Variants in ADPGK observed in about 807,000 individuals in gnomAD.
ADPGK encodes the protein ADP-dependent glucokinase.
A neutral mutation model predicts 42.4 loss-of-function variants in ADPGK; 26 were observed. The ratio of observed to expected loss-of-function variants is 0.61; its 90% CI spans 0.45 to 0.85. The LOEUF (loss-of-function observed/expected upper bound fraction) is 0.85, where lower values mean the gene tolerates loss of function less well. ADPGK is among the 40% of genes least tolerant of loss of function. The pLI is 0.00. For missense variants in ADPGK, 571 were observed against 627.0 expected, an observed-to-expected ratio of 0.91 and a Z score of 0.95; for synonymous variants, 267 against 252.6, an observed-to-expected ratio of 1.06 and a Z score of -0.54.
chr15:72,754,100 A>C (rs369225766), intron 6 of ADPGK, among the ~76,000 whole-genome samples: 46 of 152,090 alleles, frequency 3.0e-4, no homozygotes, highest in African/African-American at 1.1e-3. Context: ...TCTATCAAAA[A>C]AAAAAAAAAC....
chr15:72,783,548 C>T lies in ADPGK; in HGVS notation c.144G>A (p.Pro48=), dbSNP rs1566969838. ...ACCGGCCCTCGGGGGAGACGGGTCC[C>T]GGGGGCGCAGGCGCGGGCCCCAGAC... is the stretch of plus-strand genomic sequence containing the variant. ...SLCLGPAPAP[P]GPVSPEGRLA... The change falls in exon 1 of 7, where the codon CCG becomes CCA. Residue 48 remains proline, a synonymous_variant. Transcript: ENST00000456471. 4 of 1,497,174 alleles carry T rather than the reference C, an allele frequency of 2.7e-6. No homozygotes were observed. In the South Asian group the frequency reaches 3.7e-5, roughly 14 times the overall value. The allele number at this position is 1,497,174 out of a possible 1,614,324, so 92.7% of individuals were successfully genotyped here.
chr15:72,755,736 G>A (rs2066103539), intron 5 of ADPGK, 82 bp from the exon 6 acceptor site: 1 of 1,135,258 alleles, frequency 8.8e-7, no homozygotes, highest in Admixed American at 1.9e-5. Context: ...GATCCTGAGA[G>A]GCGGTTCCTC....
chr15:72,774,296 G>GT (rs1250650225), intron 2 of ADPGK, among the ~76,000 whole-genome samples: 1 of 152,186 alleles, frequency 6.6e-6, no homozygotes, highest in Non-Finnish European at 1.5e-5. Flanking sequence ...GAAGAATGGG[G>GT]TGGGGGCAAG....
chr15:72,783,510 C>A lies in ADPGK; in HGVS notation c.182G>T (p.Trp61Leu). The A allele has an allele frequency of 6.8e-7, 1 of 1,471,422 alleles. No individual in the cohort carries two copies. The highest frequency in any genetic ancestry group is 2.9e-5 in the East Asian group (1 of 35,064). 91.1% of individuals were successfully genotyped at this position (1,471,422 alleles called of 1,614,324 possible). The change falls in exon 1 of 7, where the codon TGG becomes TTG. Residue 61 changes from tryptophan to leucine, a missense_variant. This residue lies in a region of ADPGK where 137 missense variants were observed against 104.2 expected (regional missense o/e 1.31). Coordinates refer to ENST00000456471, the MANE Select transcript of ADPGK (RefSeq NM_001365225.1). ...VSPEGRLAAA[W>L]DALIVRPVRR... ...GACTGGCCGCACGATAAGCGCGTCC[C>A]AGGCTGCCGCCAACCGGCCCTCGGG...
intron 3 of ADPGK, among the ~76,000 whole-genome samples, chr15:72,771,310 T>G (rs1219733518): frequency 1.3e-5 from 2 of 152,202 alleles, no homozygotes; most frequent in African/African-American, 4.8e-5. Context: ...GGATCCAGGC[T>G]CACCAACACG....
intron 3 of ADPGK, among the ~76,000 whole-genome samples, chr15:72,760,897 G>A (rs1050002974): frequency 2.0e-5 from 3 of 152,136 alleles, no homozygotes; most frequent in African/African-American, 7.2e-5. Context: ...TTTGGAGATA[G>A]GGCTTTTGGA....
intron 2 of ADPGK, among the ~76,000 whole-genome samples, chr15:72,773,798 T>C (rs1182621957): frequency 6.6e-6 from 1 of 152,238 alleles, no homozygotes; most frequent in African/African-American, 2.4e-5. Flanking sequence ...CTGTCACCTT[T>C]AGAAACTCAG....
intron 3 of ADPGK, among the ~76,000 whole-genome samples, chr15:72,763,485 C>G (rs1303362024): frequency 6.6e-6 from 1 of 151,926 alleles, no homozygotes; most frequent in African/African-American, 2.4e-5. Context: ...CATACCCAGC[C>G]AAAAATATGG....
chr15:72,774,287 A>C (rs1483064990), intron 2 of ADPGK, among the ~76,000 whole-genome samples: 3 of 152,278 alleles, frequency 2.0e-5, no homozygotes, highest in African/African-American at 7.2e-5. Flanking sequence ...AATGAGGAGG[A>C]AGAATGGGGT....
At chr15:72,772,382 C>T (rs1401294301) in intron 2 of ADPGK, among the ~76,000 whole-genome samples, 1 of 152,232 alleles carries the variant, frequency 6.6e-6, no homozygotes, top group Non-Finnish European at 1.5e-5. Flanking sequence ...TTGGCACATG[C>T]TGTTTCCTTC....
Position 72,752,313 on chromosome 15 carries a change from C to T in ADPGK, c.*28G>A. On this transcript the variant is annotated 3_prime_UTR_variant, in exon 7 of 7. Coordinates refer to ENST00000456471, the MANE Select transcript of ADPGK (RefSeq NM_001365225.1). Reference sequence around the variant, plus strand: ...TTCTTAAGTTGGCTAGTTCTCCTTCCTCAGAAAAATTACCCCTAAGAATCT... The same window carrying T: ...TTCTTAAGTTGGCTAGTTCTCCTTCTTCAGAAAAATTACCCCTAAGAATCT... The T allele has an allele frequency of 3.2e-6, 5 of 1,570,382 alleles. No homozygotes were observed. The highest frequency in any genetic ancestry group is 4.3e-6 in the Non-Finnish European group (5 of 1,156,892).
chr15:72,755,810 G>C (rs778734309), intron 5 of ADPGK, 156 bp from the exon 6 acceptor site: 6 of 652,234 alleles, frequency 9.2e-6, no homozygotes, highest in Non-Finnish European at 1.1e-5. Flanking sequence ...CACCACCTCT[G>C]TGGACAAGGG....
chr15:72,756,213 C>G lies in ADPGK; in HGVS notation c.840+38G>C, dbSNP rs751477867. 1.9e-6 allele frequency: 3 copies of G among 1,610,358 alleles called. No individual in the cohort carries two copies. In the South Asian group the frequency reaches 3.3e-5, roughly 18 times the overall value. On this transcript the variant is annotated intron_variant, in intron 5 of 6. Transcript: ENST00000456471. ...GAGGCTGGAACCTGAAGAAAACCACCAGCTGAGATCTGTGAAATTCTGTAA... is the reference window on the plus strand; with the variant it reads ...GAGGCTGGAACCTGAAGAAAACCACGAGCTGAGATCTGTGAAATTCTGTAA...
intron 3 of ADPGK, among the ~76,000 whole-genome samples, chr15:72,771,432 C>T (rs941107254): frequency 6.6e-6 from 1 of 152,172 alleles, no homozygotes; most frequent in Non-Finnish European, 1.5e-5. Context: ...GGTCAGACTG[C>T]CTGGGTTAAA....
intron 4 of ADPGK, chr15:72,757,151 C>T (rs2066125590): frequency 6.6e-6 from 1 of 152,458 alleles, no homozygotes; most frequent in South Asian, 2.1e-4. Context: ...ACCACTGTAC[C>T]CTAATACAGG....
intron 4 of ADPGK, 95 bp downstream of exon 4, chr15:72,760,312 T>A: frequency 7.1e-7 from 1 of 1,409,230 alleles, no homozygotes. Flanking sequence ...ATCCTGCTAA[T>A]TTACAAAGAT....
At chr15:72,777,101 T>G (rs548054445) in intron 1 of ADPGK, among the ~76,000 whole-genome samples, 1 of 152,338 alleles carries the variant, frequency 6.6e-6, no homozygotes, top group South Asian at 2.1e-4. Context: ...ACCTTCAATG[T>G]TAAGAAACCA....
At chr15:72,759,020 C>T (rs566839667) in intron 4 of ADPGK, among the ~76,000 whole-genome samples, 2 of 152,324 alleles carry the variant, frequency 1.3e-5, no homozygotes, top group East Asian at 1.9e-4. Context: ...TTCACTGCAA[C>T]CTCCGCCTCC....
chr15:72,768,554 G>A (rs1455154716), intron 3 of ADPGK, among the ~76,000 whole-genome samples: 1 of 152,128 alleles, frequency 6.6e-6, no homozygotes, highest in Non-Finnish European at 1.5e-5. Flanking sequence ...TGTAGTCCCA[G>A]CTACTCGGGA....
Sources: allele counts gnomAD v4.1 joint callset (sites outside exome capture counted in the v4.1 genomes callset), GRCh38; gene constraint gnomAD v4.1.1; regional missense constraint gnomAD v4.1.1; transcripts MANE v1.5; gene names NCBI Gene and HGNC (gene_info 2026-07-23, HGNC 2026-07-21).